Variants in RBFOX1 observed in about 807,000 individuals in gnomAD.
RBFOX1 encodes the protein RNA binding fox-1 homolog 1.
A neutral mutation model predicts 57.7 loss-of-function variants in RBFOX1; 8 were observed. The observed-to-expected ratio is 0.14, with a 90% CI of 0.08 to 0.25. The LOEUF (loss-of-function observed/expected upper bound fraction) is 0.25. Ranked by LOEUF, RBFOX1 falls within the 10% of genes least tolerant of loss-of-function variation. RBFOX1 has a pLI of 1.00. For missense variants in RBFOX1, 611 were observed against 548.5 expected, an observed-to-expected ratio of 1.11 and a Z score of -1.14; for synonymous variants, 326 against 222.4, an observed-to-expected ratio of 1.47 and a Z score of -4.15.
intron 2 of RBFOX1, among the ~76,000 whole-genome samples, chr16:5,538,619 C>CTTT (rs59757856): frequency 3.9e-5 from 5 of 126,948 alleles, no homozygotes; most frequent in Non-Finnish European, 5.1e-5. Context: ...TTTATTTCTT[C>CTTT]TTTTTTTTTT....
At chr16:6,810,251 C>G (rs1367872452) in intron 3 of RBFOX1, among the ~76,000 whole-genome samples, 1 of 152,066 alleles carries the variant, frequency 6.6e-6, no homozygotes, top group Non-Finnish European at 1.5e-5. Context: ...GAGAAATTCA[C>G]TTTTTACCAC....
At chr16:7,555,642 T>G (rs2088146768) in intron 5 of RBFOX1, among the ~76,000 whole-genome samples, 1 of 152,194 alleles carries the variant, frequency 6.6e-6, no homozygotes, top group Non-Finnish European at 1.5e-5. Context: ...CTCTTCCCCT[T>G]GAACGTTCTG....
intron 3 of RBFOX1, among the ~76,000 whole-genome samples, chr16:6,919,066 C>A (rs1037258903): frequency 2.0e-5 from 3 of 152,108 alleles, no homozygotes; most frequent in African/African-American, 7.2e-5. Flanking sequence ...CTGCAACCTC[C>A]GTTCTTGGGT....
At chr16:6,496,858 G>T (rs1001376028) in intron 2 of RBFOX1, among the ~76,000 whole-genome samples, 1 of 152,120 alleles carries the variant, frequency 6.6e-6, no homozygotes, top group East Asian at 1.9e-4. Flanking sequence ...TACTCGGGAG[G>T]CTGAGGCAGG....
At chr16:5,936,387 G>A (rs2059169710) in intron 4 of RBFOX1, among the ~76,000 whole-genome samples, 3 of 152,176 alleles carry the variant, frequency 2.0e-5, no homozygotes, top group Admixed American at 6.5e-5. Context: ...GCCTCCCACA[G>A]TGCTGGGATT....
At position 5,390,931 on chromosome 16, in the gene RBFOX1, G is replaced by A. The variant is rs143659665; in HGVS notation, c.220-76285G>A. Reference sequence around the variant, plus strand: ...CTTGGAGAGGGAAGACTAGATGCCAGTGGTGCGTTTGGGGGCCTTATTAAG... The same window carrying A: ...CTTGGAGAGGGAAGACTAGATGCCAATGGTGCGTTTGGGGGCCTTATTAAG... On this transcript the variant is annotated intron_variant, in intron 1 of 2. Transcript: ENST00000585867. Among the ~76,000 whole-genome samples, 658 of 152,310 alleles carry A rather than the reference G, an allele frequency of 4.3e-3. 2 individuals are homozygous for A. Among genetic ancestry groups the A allele is most frequent in the African/African-American group, 0.012 (490 of 41,576 alleles).
At chr16:6,102,024 C>T (rs537395387) in intron 1 of RBFOX1, among the ~76,000 whole-genome samples, 1 of 152,188 alleles carries the variant, frequency 6.6e-6, no homozygotes, top group East Asian at 1.9e-4. Flanking sequence ...ATAATTAAAA[C>T]CCAAAATGGT....
At chr16:6,240,263 G>C (rs190367197) in intron 1 of RBFOX1, among the ~76,000 whole-genome samples, 3 of 152,148 alleles carry the variant, frequency 2.0e-5, no homozygotes, top group Non-Finnish European at 4.4e-5. Flanking sequence ...CCAGTCTCAG[G>C]TATTTCTTTA....
chr16:6,929,868 T>TA (rs2076221141), intron 3 of RBFOX1, among the ~76,000 whole-genome samples: 1 of 152,154 alleles, frequency 6.6e-6, no homozygotes, highest in African/African-American at 2.4e-5. Flanking sequence ...GACCTACATT[T>TA]AAAAAACACT....
chr16:6,967,923 G>C (rs890467306), intron 3 of RBFOX1, among the ~76,000 whole-genome samples: 8 of 152,144 alleles, frequency 5.3e-5, no homozygotes, highest in African/African-American at 1.9e-4. Flanking sequence ...CCCACCAACT[G>C]TTCAGCTGCC....
intron 3 of RBFOX1, among the ~76,000 whole-genome samples, chr16:7,032,977 A>G (rs894028694): frequency 6.6e-6 from 1 of 152,184 alleles, no homozygotes; most frequent in Non-Finnish European, 1.5e-5. Context: ...GTCAGCAGGA[A>G]TAACGCTAAA....
intron 3 of RBFOX1, among the ~76,000 whole-genome samples, chr16:5,642,850 G>C (rs915601109): frequency 1.3e-5 from 2 of 152,252 alleles, no homozygotes; most frequent in African/African-American, 2.4e-5. Context: ...GGTGCTGCCT[G>C]ATGACTCTGT....
intron 1 of RBFOX1, among the ~76,000 whole-genome samples, chr16:6,214,532 TG>T (rs529262164): frequency 7.9e-4 from 15 of 19,084 alleles, no homozygotes; most frequent in Admixed American, 6.1e-3. Context: ...GAGAGGGAGA[TG>T]GGGAGAAGGA....
chr16:5,255,708 C>T (rs2062576626), intron 1 of RBFOX1, among the ~76,000 whole-genome samples: 1 of 151,958 alleles, frequency 6.6e-6, no homozygotes, highest in Non-Finnish European at 1.5e-5. Flanking sequence ...ACCTATCTAT[C>T]CATCCATGTA....
At chr16:5,755,354 C>G (rs1228935795) in intron 3 of RBFOX1, among the ~76,000 whole-genome samples, 3 of 152,204 alleles carry the variant, frequency 2.0e-5, no homozygotes, top group Admixed American at 2.0e-4. Context: ...CTTTTCCCCA[C>G]AATTCTGGCA....
chr16:6,684,837 AC>A (rs2059188642), intron 3 of RBFOX1, among the ~76,000 whole-genome samples: 1 of 152,160 alleles, frequency 6.6e-6, no homozygotes, highest in South Asian at 2.1e-4. Flanking sequence ...TCTAGTTGTT[AC>A]CTTTGTCTTT....
At chr16:5,794,877 G>C (rs757232256) in intron 3 of RBFOX1, among the ~76,000 whole-genome samples, 1 of 152,060 alleles carries the variant, frequency 6.6e-6, no homozygotes, top group African/African-American at 2.4e-5. Flanking sequence ...GGCGACATTC[G>C]GCAAGATGGA....
chr16:6,512,458 T>C (rs2096275084), intron 2 of RBFOX1, among the ~76,000 whole-genome samples: 1 of 152,072 alleles, frequency 6.6e-6, no homozygotes, highest in Non-Finnish European at 1.5e-5. Flanking sequence ...GGATAGGTCA[T>C]GGAGTTGAGG....
At position 7,013,952 on chromosome 16, in the gene RBFOX1, T is replaced by A. The variant is rs189527110; in HGVS notation, c.-15-38105T>A. Among the ~76,000 whole-genome samples the A allele has an allele frequency of 4.5e-4, 68 of 152,252 alleles. No individual in the cohort carries two copies. In the East Asian group the frequency reaches 0.011, roughly 25 times the overall value. ...GGATTACAGATTTGAGCCACGGCGC[T>A]TGGCTAAAATGCTATATACTCTATT... On this transcript the variant is annotated intron_variant, in intron 3 of 15. Transcript: ENST00000550418.
Sources: gnomAD v4.1 joint callset for allele counts (sites outside exome capture counted in the v4.1 genomes callset) on GRCh38, gnomAD v4.1.1 for gene constraint, MANE v1.5 for transcripts, NCBI Gene and HGNC (gene_info 2026-07-23, HGNC 2026-07-21) for gene names.